VPS13B: variants seen among roughly 807,000 people sequenced by gnomAD.
VPS13B encodes vacuolar protein sorting 13 homolog B.
Under a neutral mutation model 426.4 loss-of-function variants are expected in VPS13B, and 285 were observed. The ratio of observed to expected loss-of-function variants is 0.67; its 90% CI spans 0.61 to 0.74. The LOEUF is 0.74. VPS13B is among the 30% of genes least tolerant of loss of function. The pLI is 0.00. For synonymous variants in VPS13B, 1,676 were observed against 1,676.4 expected (o/e 1.00, Z 0.01); for missense variants, 4,537 against 4,782.6 (o/e 0.95, Z 1.51).
In VPS13B at chr8:99,391,572, G is replaced by T. The variant is rs148422160; in HGVS notation, c.2950G>T (p.Val984Phe). 6.2e-7 allele frequency: 1 copy of T among 1,614,156 alleles called. No individual in the cohort carries two copies. Among genetic ancestry groups the T allele is most frequent in the East Asian group, 2.2e-5 (1 of 44,874 alleles). ...RHMQQQPVVA[V>F]PLVMPVCRRK... ...CTCTTTCCAGCAGCCTGTGGTAGCT[G>T]TTCCTCTTGTTATGCCAGTTTGTAG... The change falls in exon 21 of 62, where the codon GTT becomes TTT. Residue 984 changes from valine to phenylalanine, a missense_variant. Physicochemically the swap from Val to Phe is conservative, Grantham distance 50 (BLOSUM62 -1). Transcript: ENST00000357162.
chr8:99,040,320 A>G (rs1842917963), intron 3 of VPS13B, among the ~76,000 whole-genome samples: 1 of 152,290 alleles, frequency 6.6e-6, no homozygotes, highest in Admixed American at 6.5e-5. Context: ...CTTGCATGGT[A>G]TTTGGGACTT....
chr8:99,734,266 A>G (rs1216482227), intron 39 of VPS13B, among the ~76,000 whole-genome samples: 4 of 152,184 alleles, frequency 2.6e-5, no homozygotes, highest in African/African-American at 7.2e-5. Context: ...TTATCCATTC[A>G]TCAGCTGATG....
chr8:99,305,463 T>C (rs574188267), intron 19 of VPS13B, among the ~76,000 whole-genome samples: 5 of 152,186 alleles, frequency 3.3e-5, no homozygotes, highest in Non-Finnish European at 7.4e-5. Context: ...TTATAAGGGA[T>C]TTGAGTATCA....
chr8:99,215,619 G>A (rs1815348543), intron 17 of VPS13B, among the ~76,000 whole-genome samples: 1 of 152,130 alleles, frequency 6.6e-6, no homozygotes, highest in Non-Finnish European at 1.5e-5. Flanking sequence ...GAAGGCACAG[G>A]TATGCTTGAG....
intron 35 of VPS13B, among the ~76,000 whole-genome samples, chr8:99,693,432 C>G (rs1443430058): frequency 1.4e-5 from 2 of 138,296 alleles, no homozygotes; most frequent in Admixed American, 1.5e-4. Flanking sequence ...TAAACAGAGC[C>G]AAAGACAAAA....
chr8:99,330,522 T>C (rs953201327), intron 19 of VPS13B, among the ~76,000 whole-genome samples: 9 of 151,886 alleles, frequency 5.9e-5, no homozygotes, highest in Non-Finnish European at 1.0e-4. Context: ...CCTTCTGTTA[T>C]CTTCCTGTCT....
chr8:99,420,521 A>C (rs1411839772), intron 21 of VPS13B, among the ~76,000 whole-genome samples: 1 of 152,302 alleles, frequency 6.6e-6, no homozygotes, highest in Admixed American at 6.5e-5. Context: ...TTCTACGTTT[A>C]TGATTTTTCA....
rs1260884050 is a variant in VPS13B at position 99,819,437 on chromosome 8, G to T, written c.8647G>T (p.Ala2883Ser). The change falls in exon 48 of 62, where the codon GCA becomes TCA. Residue 2883 changes from alanine to serine, a missense_variant. Physicochemically the swap from Ala to Ser is moderately conservative, Grantham distance 99 (BLOSUM62 1). Coordinates refer to ENST00000357162, the MANE Select transcript of VPS13B (RefSeq NM_152564.5). Reference sequence around the variant, plus strand: ...AGAAGAATATGATCCTTCAGATTGTGCAGTTCCCATCTCAACATCCCTCAT... The same window carrying T: ...AGAAGAATATGATCCTTCAGATTGTTCAGTTCCCATCTCAACATCCCTCAT... The part of the protein sequence containing the change: ...AREEYDPSDC[A>S]VPISTSLIKQ... 4.3e-6 allele frequency: 7 copies of T among 1,613,682 alleles called. No homozygotes were observed. The highest frequency in any genetic ancestry group is 5.1e-6 in the Non-Finnish European group (6 of 1,179,820).
intron 12 of VPS13B, among the ~76,000 whole-genome samples, chr8:99,137,544 A>G (rs117288754): frequency 0.017 from 2,553 of 152,226 alleles, 44 homozygotes; most frequent in Non-Finnish European, 0.024. Flanking sequence ...AAAAAAAAAA[A>G]AATGACAACT....
intron 17 of VPS13B, among the ~76,000 whole-genome samples, chr8:99,252,529 A>G (rs1306827872): frequency 6.6e-6 from 1 of 152,078 alleles, no homozygotes; most frequent in East Asian, 1.9e-4. Context: ...CTGCTGTTCT[A>G]TAATCTAGAA....
intron 19 of VPS13B, among the ~76,000 whole-genome samples, chr8:99,369,147 A>T (rs573392428): frequency 1.3e-5 from 2 of 152,016 alleles, no homozygotes; most frequent in East Asian, 3.9e-4. Flanking sequence ...ATAATTGTTT[A>T]TTGCTGTTCC....
chr8:99,203,268 G>C (rs1563600456), intron 17 of VPS13B, among the ~76,000 whole-genome samples: 1 of 152,132 alleles, frequency 6.6e-6, no homozygotes, highest in Non-Finnish European at 1.5e-5. Flanking sequence ...AAAACCACGT[G>C]ATTATCTCAA....
Position 99,738,039 on chromosome 8 carries a change from G to A in VPS13B, c.7050+16992G>A, listed in dbSNP as rs527378027. On this transcript the variant is annotated intron_variant, in intron 39 of 61. Transcript: ENST00000357162. ...TGGGGAGTCTCACTATATATAAGCT[G>A]AACCCTGATTCTCAAAGGACTCGTT... Among the ~76,000 whole-genome samples the A allele has an allele frequency of 5.3e-5, 8 of 152,316 alleles. No individual in the cohort carries two copies. The South Asian group carries it at 1.7e-3, about 32-fold the overall frequency.
At chr8:99,678,318 G>A (rs1466793493) in intron 35 of VPS13B, among the ~76,000 whole-genome samples, 4 of 151,792 alleles carry the variant, frequency 2.6e-5, no homozygotes, top group African/African-American at 4.8e-5. Context: ...TACTTCTCTG[G>A]TGTAGGCTTA....
At position 99,862,753 on chromosome 8, in the gene VPS13B, C is replaced by T. The variant is rs17553; in HGVS notation, c.11215+807C>T. ...GAGTTTGAAAGGACTCGCCCTCTCT[C>T]TGATCTTCAGTTCTCTACAGAACTC... On this transcript the variant is annotated intron_variant, in intron 58 of 61. Transcript: ENST00000357162. Among the ~76,000 whole-genome samples the T allele has an allele frequency of 3.5e-3, 533 of 152,344 alleles. 6 individuals are homozygous for T. The highest frequency in any genetic ancestry group is 0.012 in the African/African-American group (510 of 41,580).
chr8:99,547,505 C>A (rs1466787549), intron 30 of VPS13B, among the ~76,000 whole-genome samples: 1 of 151,934 alleles, frequency 6.6e-6, no homozygotes, highest in Non-Finnish European at 1.5e-5. Flanking sequence ...CACTTCTTTA[C>A]AGTGAATTCC....
At chr8:99,600,772 T>C (rs1476538470) in intron 33 of VPS13B, among the ~76,000 whole-genome samples, 7 of 152,132 alleles carry the variant, frequency 4.6e-5, no homozygotes, top group African/African-American at 1.4e-4. Flanking sequence ...CTGTTCCAAA[T>C]TGGATAACAA....
intron 19 of VPS13B, among the ~76,000 whole-genome samples, chr8:99,292,785 A>G (rs922323149): frequency 1.3e-5 from 2 of 152,266 alleles, no homozygotes; most frequent in Non-Finnish European, 2.9e-5. Context: ...GGTAAATTTT[A>G]TATGTTATAT....
chr8:99,611,761 T>A (rs1454366327), intron 33 of VPS13B, among the ~76,000 whole-genome samples: 1 of 152,092 alleles, frequency 6.6e-6, no homozygotes, highest in East Asian at 1.9e-4. Flanking sequence ...TCTTTTAGCC[T>A]TTCTATAAAC....
Sources: allele counts gnomAD v4.1 joint callset (sites outside exome capture counted in the v4.1 genomes callset), GRCh38; gene constraint gnomAD v4.1.1; transcripts MANE v1.5; gene names NCBI Gene and HGNC (gene_info 2026-07-23, HGNC 2026-07-21).